The following CACNA2D1 variants were observed in gnomAD, a reference collection of about 807,000 sequenced individuals.
CACNA2D1 encodes the protein calcium voltage-gated channel auxiliary subunit alpha2delta 1.
In CACNA2D1, 53 loss-of-function variants were observed where a neutral mutation model predicts 171.5. That is an observed-to-expected ratio of 0.31 (90% confidence interval 0.25 to 0.39). CACNA2D1 has a LOEUF of 0.39. Among genes scored for constraint, CACNA2D1 ranks in the 10% least tolerant of loss-of-function variants. CACNA2D1 has a pLI of 1.00. For missense variants in CACNA2D1, 903 were observed against 1,299.8 expected (o/e 0.69, Z 4.69); for synonymous variants, 442 against 443.1 (o/e 1.00, Z 0.03).
chr7:82,299,931 G>C (rs1178009414), intron 3 of CACNA2D1, among the ~76,000 whole-genome samples: 3 of 152,068 alleles, frequency 2.0e-5, no homozygotes, highest in African/African-American at 7.2e-5. Flanking sequence ...AACGATGTTA[G>C]GCCCAACAGG....
chr7:82,209,753 T>G (rs1273542602), intron 3 of CACNA2D1, among the ~76,000 whole-genome samples: 2 of 152,132 alleles, frequency 1.3e-5, no homozygotes, highest in East Asian at 1.9e-4. Flanking sequence ...AATATTTTAT[T>G]TTTGCCAAAT....
At chr7:82,118,338 G>C (rs1294647805) in intron 5 of CACNA2D1, among the ~76,000 whole-genome samples, 4 of 152,024 alleles carry the variant, frequency 2.6e-5, no homozygotes, top group Admixed American at 2.6e-4. Context: ...AGTCAAAACA[G>C]GTTTTAACTC....
chr7:82,146,494 TTA>T (rs374065183), intron 4 of CACNA2D1, among the ~76,000 whole-genome samples: 2,257 of 120,896 alleles, frequency 0.019, 87 homozygotes, highest in African/African-American at 0.056. Context: ...ATATTTATAT[TTA>T]TATATATATA....
intron 4 of CACNA2D1, among the ~76,000 whole-genome samples, chr7:82,165,028 A>C (rs1450477587): frequency 6.6e-6 from 1 of 151,990 alleles, no homozygotes; most frequent in Admixed American, 6.6e-5. Flanking sequence ...AGGATGATTC[A>C]GCTCTGCATG....
intron 31 of CACNA2D1, among the ~76,000 whole-genome samples, chr7:81,966,538 G>T (rs1195176021): frequency 6.6e-6 from 1 of 151,116 alleles, no homozygotes; most frequent in East Asian, 1.9e-4. Flanking sequence ...CACAAAAGAG[G>T]ACTGGAAGAA....
At chr7:81,971,623 A>T (rs1441548854) in intron 26 of CACNA2D1, among the ~76,000 whole-genome samples, 154 bp downstream of exon 26, 1 of 151,744 alleles carries the variant, frequency 6.6e-6, no homozygotes, top group African/African-American at 2.4e-5. Context: ...ACAACTGAAA[A>T]TGCAAGTTGT....
chr7:82,033,288 A>C (rs925041833), intron 11 of CACNA2D1, among the ~76,000 whole-genome samples: 2 of 152,006 alleles, frequency 1.3e-5, no homozygotes, highest in Non-Finnish European at 2.9e-5. Context: ...AACAGAATGT[A>C]AGCTACATAA....
At chr7:81,965,456 C>T (rs1794619290) in intron 32 of CACNA2D1, 138 bp downstream of exon 32, 1 of 688,998 alleles carries the variant, frequency 1.5e-6, no homozygotes, top group South Asian at 1.6e-5. Flanking sequence ...GTTTACATAA[C>T]ATTAAGCATT....
At chr7:82,069,560 C>T (rs571653104) in intron 7 of CACNA2D1, among the ~76,000 whole-genome samples, 4 of 152,182 alleles carry the variant, frequency 2.6e-5, no homozygotes, top group South Asian at 2.1e-4. Context: ...GGATGTGTTA[C>T]GGGTGTTATC....
At chr7:82,342,281 TC>T (rs1179398432) in intron 2 of CACNA2D1, among the ~76,000 whole-genome samples, 1 of 152,182 alleles carries the variant, frequency 6.6e-6, no homozygotes, top group Non-Finnish European at 1.5e-5. Flanking sequence ...TATTTTCTAT[TC>T]CCCTTCACCA....
chr7:82,262,487 C>T (rs373045905), intron 3 of CACNA2D1, among the ~76,000 whole-genome samples: 294 of 152,252 alleles, frequency 1.9e-3, no homozygotes, highest in African/African-American at 6.4e-3. Flanking sequence ...AAAAATTAAA[C>T]ATGAATGGTG....
At chr7:82,346,651 G>A (rs1819293842) in intron 2 of CACNA2D1, among the ~76,000 whole-genome samples, 1 of 151,774 alleles carries the variant, frequency 6.6e-6, no homozygotes, top group Non-Finnish European at 1.5e-5. Flanking sequence ...TTTAAATTAT[G>A]CATGTATATT....
intron 1 of CACNA2D1, among the ~76,000 whole-genome samples, chr7:82,414,696 A>G (rs985698500): frequency 1.3e-5 from 2 of 152,220 alleles, no homozygotes; most frequent in African/African-American, 2.4e-5. Context: ...GTATGTGTCC[A>G]GAATGTTTAT....
rs544464932 is a variant in CACNA2D1, at chr7:82,347,973, T to C, written c.177+1595A>G. Among the ~76,000 whole-genome samples the C allele has an allele frequency of 5.9e-5, 9 of 152,190 alleles. No individual in the cohort carries two copies. In the South Asian group the frequency reaches 1.9e-3, roughly 32 times the overall value. ...AAAAGCAGATTCAGAAAAAAAAAGT[T>C]TCACATATTAACACCAAAAGGAACA... is the stretch of plus-strand genomic sequence containing the variant. On this transcript the variant is annotated intron_variant, in intron 2 of 38. Coordinates refer to ENST00000356860, the MANE Select transcript of CACNA2D1 (RefSeq NM_000722.4).
intron 1 of CACNA2D1, among the ~76,000 whole-genome samples, chr7:82,422,568 A>G (rs1046392961): frequency 6.6e-6 from 1 of 152,146 alleles, no homozygotes; most frequent in African/African-American, 2.4e-5. Context: ...GGAAAGCAGA[A>G]TAAGGACCCC....
intron 1 of CACNA2D1, among the ~76,000 whole-genome samples, chr7:82,394,625 C>T (rs370988348): frequency 2.0e-5 from 3 of 152,044 alleles, no homozygotes; most frequent in Admixed American, 6.5e-5. Context: ...TGGTTTATTT[C>T]GGGTAAGTTT....
intron 11 of CACNA2D1, among the ~76,000 whole-genome samples, chr7:82,035,142 C>G (rs969616682): frequency 6.6e-6 from 1 of 151,964 alleles, no homozygotes; most frequent in Non-Finnish European, 1.5e-5. Flanking sequence ...TGCTGTATTT[C>G]TGTGTGCCAG....
intron 6 of CACNA2D1, among the ~76,000 whole-genome samples, chr7:82,111,362 ATG>A (rs577810212): frequency 7.6e-6 from 1 of 131,694 alleles, no homozygotes; most frequent in African/African-American, 2.6e-5. Context: ...ATGTGTATAT[ATG>A]TATATATATA....
intron 4 of CACNA2D1, among the ~76,000 whole-genome samples, chr7:82,161,937 C>T (rs1794986398): frequency 6.6e-6 from 1 of 151,426 alleles, no homozygotes; most frequent in African/African-American, 2.4e-5. Flanking sequence ...GGAAAAGGTA[C>T]CAATAAAGAC....
Sources: gnomAD v4.1 joint callset for allele counts (sites outside exome capture counted in the v4.1 genomes callset) on GRCh38, gnomAD v4.1.1 for gene constraint, MANE v1.5 for transcripts, NCBI Gene and HGNC (gene_info 2026-07-23, HGNC 2026-07-21) for gene names.